Variants in SLC25A24 observed in about 807,000 individuals in gnomAD.
SLC25A24 encodes the protein solute carrier family 25 member 24.
SLC25A24 carries 49 observed loss-of-function variants against 60.7 expected under a neutral mutation model. That is an observed-to-expected ratio of 0.81 (90% CI 0.64 to 1.02). The LOEUF (loss-of-function observed/expected upper bound fraction) is 1.02, where lower values mean the gene tolerates loss of function less well. Among genes scored for constraint, SLC25A24 ranks in the 50% least tolerant of loss-of-function variants. The pLI, the probability that SLC25A24 is intolerant of heterozygous loss-of-function variation, is 0.00. For missense variants in SLC25A24, 564 were observed against 586.3 expected (o/e 0.96, Z 0.39); for synonymous variants, 202 against 200.6 (o/e 1.01, Z -0.06).
At chr1:108,143,800 C>T (rs1346000705) in intron 7 of SLC25A24, 90 bp from the exon 8 acceptor site, 1 of 946,022 alleles carries the variant, frequency 1.1e-6, no homozygotes, top group Non-Finnish European at 1.6e-6. Flanking sequence ...GAACAAATAC[C>T]TAGCACATAT....
intron 3 of SLC25A24, among the ~76,000 whole-genome samples, chr1:108,165,236 C>G (rs895859479): frequency 3.3e-4 from 50 of 152,056 alleles, no homozygotes; most frequent in African/African-American, 9.2e-4. Flanking sequence ...TTTGGAATAG[C>G]CGTGGTGTGG....
At chr1:108,158,896 C>T (rs1002740954) in intron 4 of SLC25A24, among the ~76,000 whole-genome samples, 4 of 151,988 alleles carry the variant, frequency 2.6e-5, no homozygotes, top group Admixed American at 1.3e-4. Flanking sequence ...CCAGCTACTC[C>T]GGTGGCTGAG....
chr1:108,135,453 C>G lies in SLC25A24; in HGVS notation c.*1200G>C, dbSNP rs1471444836. On this transcript the variant is annotated 3_prime_UTR_variant, in exon 10 of 10. Transcript: ENST00000565488. The stretch of plus-strand genomic sequence containing the variant: ...AATATTTTTCTAAGTTCTAATCACA[C>G]AAATAAGAAAAGATAGTTGACTATA... 1 of 152,268 alleles carries G rather than the reference C, an allele frequency of 6.6e-6. No homozygotes were observed. The allele number at this position is 152,268 out of a possible 1,614,324, so 9.4% of individuals were successfully genotyped here.
At chr1:108,174,231 C>T (rs1322786342) in intron 3 of SLC25A24, among the ~76,000 whole-genome samples, 3 of 152,138 alleles carry the variant, frequency 2.0e-5, no homozygotes. Flanking sequence ...CTGGGCCAGG[C>T]CCAGGGCCTT....
intron 3 of SLC25A24, among the ~76,000 whole-genome samples, chr1:108,166,180 C>T (rs1173461685): frequency 2.6e-5 from 4 of 152,204 alleles, no homozygotes; most frequent in Non-Finnish European, 4.4e-5. Flanking sequence ...GTCTGATGGG[C>T]TTCCATTTGA....
chr1:108,175,231 G>C (rs1396041854), intron 3 of SLC25A24, among the ~76,000 whole-genome samples: 1 of 152,158 alleles, frequency 6.6e-6, no homozygotes, highest in African/African-American at 2.4e-5. Flanking sequence ...TTGAATCATG[G>C]AGGAGGCTAC....
At chr1:108,148,065 C>A (rs1180137184) in intron 7 of SLC25A24, among the ~76,000 whole-genome samples, 2 of 152,184 alleles carry the variant, frequency 1.3e-5, no homozygotes, top group Non-Finnish European at 2.9e-5. Flanking sequence ...CCGCCTCCAG[C>A]TGATTCCAAG....
Position 108,199,866 on chromosome 1 carries a change from G to C in SLC25A24, c.183+90C>G, listed in dbSNP as rs1648604892. On this transcript the variant is annotated intron_variant, in intron 1 of 9. Transcript: ENST00000565488. Reference sequence around the variant, plus strand: ...AGTTCCTCCTTCCTCTCCTGGCAACGCCTCAAGCCGCCGCCCTCCTCGGTC... The same window carrying C: ...AGTTCCTCCTTCCTCTCCTGGCAACCCCTCAAGCCGCCGCCCTCCTCGGTC... 9 of 998,106 alleles carry C rather than the reference G, an allele frequency of 9.0e-6. No individual in the cohort carries two copies. In the South Asian group the frequency reaches 1.4e-4, roughly 16 times the overall value. The allele number at this position is 998,106 out of a possible 1,614,324, so 61.8% of individuals were successfully genotyped here.
intron 9 of SLC25A24, 28 bp downstream of exon 9, chr1:108,139,030 C>CG (rs1289737368): frequency 1.3e-6 from 2 of 1,515,918 alleles, no homozygotes; most frequent in African/African-American, 2.8e-5. Context: ...GCACTTTTAT[C>CG]GGTGTGGTTC....
At chr1:108,178,033 T>A (rs1320495629) in intron 3 of SLC25A24, among the ~76,000 whole-genome samples, 2 of 151,864 alleles carry the variant, frequency 1.3e-5, no homozygotes, top group Non-Finnish European at 2.9e-5. Flanking sequence ...CGTGGTGGCA[T>A]GCGCCTGTAG....
chr1:108,171,911 G>C (rs953825440), intron 3 of SLC25A24, among the ~76,000 whole-genome samples: 3 of 152,144 alleles, frequency 2.0e-5, no homozygotes, highest in South Asian at 2.1e-4. Context: ...TTTCAACCCA[G>C]GCATTCTAAC....
chr1:108,193,411 C>T lies in SLC25A24; in HGVS notation c.183+6545G>A, dbSNP rs1391966082. Among the ~76,000 whole-genome samples the T allele has an allele frequency of 2.2e-5, 3 of 138,410 alleles. 1 individual carries two copies. Among genetic ancestry groups the T allele is most frequent in the African/African-American group, 7.5e-5 (3 of 39,872 alleles). 90.8% of individuals were successfully genotyped at this position (138,410 alleles called of 152,430 possible). A position where few individuals can be genotyped will look rare whatever the true frequency, so the allele number is the denominator to read the frequency against. On this transcript the variant is annotated intron_variant, in intron 1 of 9. Transcript: ENST00000565488. ...CCCCATTTACCCAAGGTTTAGCTCC[C>T]CCTGTAAATGAGAACACAGTATTTG...
chr1:108,157,463 T>A lies in SLC25A24; in HGVS notation c.668A>T (p.Gln223Leu), dbSNP rs776287400. Reference protein sequence around the residue: ...APLDRLKIMMQVHGSKSDKMN... With the variant: ...APLDRLKIMMLVHGSKSDKMN... ...TGGACACACGATAATAAAGCTCACC[T>A]GCATCATGATTTTCAGACGGTCCAA... The change falls in exon 5 of 10, where the codon CAG becomes CTG. Residue 223 changes from glutamine (Q) to leucine (L), a missense_variant and splice_region_variant. Coordinates refer to ENST00000565488, the MANE Select transcript of SLC25A24 (RefSeq NM_013386.5). 4 of 1,613,460 alleles carry A rather than the reference T, an allele frequency of 2.5e-6. No individual in the cohort carries two copies. The South Asian group carries it at 4.4e-5, about 18-fold the overall frequency.
At chr1:108,169,546 G>C (rs565455865) in intron 3 of SLC25A24, among the ~76,000 whole-genome samples, 1 of 152,238 alleles carries the variant, frequency 6.6e-6, no homozygotes, top group South Asian at 2.1e-4. Context: ...ATAAGTCATA[G>C]GTATCTTGGC....
chr1:108,160,156 C>A (rs570551180), intron 4 of SLC25A24, among the ~76,000 whole-genome samples: 1 of 152,016 alleles, frequency 6.6e-6, no homozygotes, highest in African/African-American at 2.4e-5. Context: ...CCTCACTTCC[C>A]AGACGGGGCG....
chr1:108,170,024 TTA>T (rs1647393877), intron 3 of SLC25A24, among the ~76,000 whole-genome samples: 1 of 152,184 alleles, frequency 6.6e-6, no homozygotes, highest in South Asian at 2.1e-4. Flanking sequence ...ATATTCTTTA[TTA>T]TCTCCTTCCT....
intron 3 of SLC25A24, among the ~76,000 whole-genome samples, chr1:108,173,668 G>T (rs967356080): frequency 6.6e-6 from 1 of 152,150 alleles, no homozygotes. Flanking sequence ...GAAGAAGACT[G>T]GGAAAGTTTG....
rs1679236732 is a variant in SLC25A24 at position 108,134,787 on chromosome 1, T to C, written c.*1866A>G. On this transcript the variant is annotated 3_prime_UTR_variant, in exon 10 of 10. Transcript: ENST00000565488. ...AATTAGGAAACTGAGACTTAAGAAT[T>C]TTCTCTAAAAAAAATAAAAACTGGA... 1 of 151,804 alleles carries C rather than the reference T, an allele frequency of 6.6e-6. No individual in the cohort carries two copies. Among genetic ancestry groups the C allele is most frequent in the Non-Finnish European group, 1.5e-5 (1 of 67,954 alleles). 9.4% of individuals were successfully genotyped at this position (151,804 alleles called of 1,614,324 possible).
Position 108,161,207 on chromosome 1 carries a change from A to G in SLC25A24, c.485T>C (p.Ile162Thr), listed in dbSNP as rs1406893162. ...LFNPVTDIEE[I>T]IRFWKHSTGI... is the part of the protein sequence containing the mutation. The stretch of plus-strand genomic sequence containing the variant: ...TGTAGAATGTTTCCAGAAACGGATA[A>G]TTTCCTCAATGTCTGTAACAGGATT... Residue 162 changes from isoleucine to threonine, a missense_variant, in exon 4 of 10, where the codon ATT becomes ACT. Transcript: ENST00000565488. 1 of 1,577,162 alleles carries G rather than the reference A, an allele frequency of 6.3e-7. No homozygotes were observed. Among genetic ancestry groups the G allele is most frequent in the Non-Finnish European group, 8.7e-7 (1 of 1,147,312 alleles).
Sources: allele counts gnomAD v4.1 joint callset (sites outside exome capture counted in the v4.1 genomes callset), GRCh38; gene constraint gnomAD v4.1.1; transcripts MANE v1.5; gene names NCBI Gene and HGNC (gene_info 2026-07-23, HGNC 2026-07-21).